The following PPFIA2 variants were observed in gnomAD, a reference collection of about 807,000 sequenced individuals.
The protein encoded by PPFIA2 is liprin-alpha-2.
A neutral mutation model predicts 175.5 loss-of-function variants in PPFIA2; 46 were observed. The ratio of observed to expected loss-of-function variants is 0.26; its 90% CI spans 0.21 to 0.34. The LOEUF is 0.34. Among genes scored for constraint, PPFIA2 ranks in the 10% least tolerant of loss-of-function variants. The pLI is 1.00. For missense variants in PPFIA2, 1,179 were observed against 1,506.1 expected, an observed-to-expected ratio of 0.78 and a Z score of 3.60; for synonymous variants, 568 against 511.4, an observed-to-expected ratio of 1.11 and a Z score of -1.49.
intron 8 of PPFIA2, among the ~76,000 whole-genome samples, chr12:81,387,310 T>G (rs2039193602): frequency 6.6e-6 from 1 of 152,170 alleles, no homozygotes; most frequent in African/African-American, 2.4e-5. Context: ...TAAACTTCAT[T>G]ACCCCCTTAA....
At chr12:81,287,875 G>A (rs2043864781) in intron 24 of PPFIA2, among the ~76,000 whole-genome samples, 1 of 151,752 alleles carries the variant, frequency 6.6e-6, no homozygotes, top group Admixed American at 6.6e-5. Flanking sequence ...GGTTGGAAAA[G>A]CATAAGAAAC....
In PPFIA2 at chr12:81,676,805, C is replaced by T. The variant is rs1370766997; in HGVS notation, c.289G>A (p.Gly97Arg). 6.4e-7 allele frequency: 1 copy of T among 1,566,044 alleles called. No individual in the cohort carries two copies. The highest frequency in any genetic ancestry group is 8.6e-7 in the Non-Finnish European group (1 of 1,157,020). Residue 97 changes from glycine (G) to arginine (R), a missense_variant, in exon 4 of 33, where the codon GGG becomes AGG. Coordinates refer to ENST00000549396, the MANE Select transcript of PPFIA2 (RefSeq NM_003625.5). ...ATCTAACTTACCGGTGGATCAGCCC[C>T]CTTAGAACCAGCCAGCCCTCCTGTT... Reference protein sequence around the residue: ...SLTGGLAGSKGADPPEFAALT... With the variant: ...SLTGGLAGSKRADPPEFAALT...
chr12:81,304,764 C>A (rs1189801459), intron 22 of PPFIA2, among the ~76,000 whole-genome samples: 1 of 151,800 alleles, frequency 6.6e-6, no homozygotes, highest in Non-Finnish European at 1.5e-5. Flanking sequence ...AAATTGGAGA[C>A]GTAGACAAGA....
chr12:81,475,451 T>G (rs749489923), intron 4 of PPFIA2, among the ~76,000 whole-genome samples: 1 of 151,618 alleles, frequency 6.6e-6, no homozygotes, highest in Admixed American at 6.5e-5. Context: ...TTTTATATAA[T>G]GTGTTTTATA....
intron 4 of PPFIA2, among the ~76,000 whole-genome samples, chr12:81,466,069 G>T (rs567486140): frequency 6.6e-6 from 1 of 152,234 alleles, no homozygotes; most frequent in African/African-American, 2.4e-5. Flanking sequence ...TCAGCCCTGG[G>T]CTAGACAGCT....
At chr12:81,442,928 C>T (rs2050503289) in intron 6 of PPFIA2, among the ~76,000 whole-genome samples, 2 of 110,250 alleles carry the variant, frequency 1.8e-5, no homozygotes, top group Admixed American at 1.1e-4. Flanking sequence ...TCTATATCCA[C>T]ATCCCTCCTC....
intron 18 of PPFIA2, among the ~76,000 whole-genome samples, chr12:81,345,482 C>A (rs1388676883): frequency 6.6e-6 from 1 of 151,956 alleles, no homozygotes; most frequent in African/African-American, 2.4e-5. Flanking sequence ...GCATCTTTCT[C>A]TCTCTCTCTG....
At chr12:81,378,198 C>T (rs1167607387) in intron 9 of PPFIA2, 1 of 151,986 alleles carries the variant, frequency 6.6e-6, no homozygotes, top group Non-Finnish European at 1.5e-5. Context: ...CTTAAAGCCT[C>T]CAAAACAGTG....
chr12:81,502,038 G>A (rs1246569702), intron 4 of PPFIA2, among the ~76,000 whole-genome samples: 1 of 152,094 alleles, frequency 6.6e-6, no homozygotes, highest in Non-Finnish European at 1.5e-5. Context: ...TTTTCCAGTG[G>A]AACACCATAT....
chr12:81,542,710 G>A (rs1422404611), intron 4 of PPFIA2, among the ~76,000 whole-genome samples: 2 of 151,982 alleles, frequency 1.3e-5, no homozygotes, highest in African/African-American at 4.8e-5. Flanking sequence ...ATATTTCTAT[G>A]TTCCTTTGAG....
chr12:81,584,459 A>G (rs905171005), intron 4 of PPFIA2, among the ~76,000 whole-genome samples: 4 of 151,772 alleles, frequency 2.6e-5, no homozygotes, highest in African/African-American at 9.7e-5. Context: ...AAAGAGCAGA[A>G]TAATAATGTG....
At chr12:81,690,131 A>C (rs141083896) in intron 3 of PPFIA2, among the ~76,000 whole-genome samples, 3 of 152,226 alleles carry the variant, frequency 2.0e-5, no homozygotes, top group East Asian at 3.9e-4. Flanking sequence ...ATAAATCTTC[A>C]TCCCTTTGCC....
intron 4 of PPFIA2, among the ~76,000 whole-genome samples, chr12:81,668,250 C>A (rs1014891165): frequency 3.3e-5 from 5 of 152,038 alleles, no homozygotes; most frequent in African/African-American, 1.2e-4. Context: ...GTTCTATTAT[C>A]CTTCTACTTC....
At chr12:81,333,030 T>C (rs2056442011) in intron 21 of PPFIA2, among the ~76,000 whole-genome samples, 1 of 152,182 alleles carries the variant, frequency 6.6e-6, no homozygotes, top group Non-Finnish European at 1.5e-5. Context: ...GATTCATAGA[T>C]TCAGTATTCC....
chr12:81,442,228 T>C (rs2050306731), intron 6 of PPFIA2, among the ~76,000 whole-genome samples: 1 of 152,066 alleles, frequency 6.6e-6, no homozygotes. Flanking sequence ...AAGTAATAAA[T>C]CTAAAACTGT....
At chr12:81,572,562 A>C (rs2072746580) in intron 4 of PPFIA2, among the ~76,000 whole-genome samples, 1 of 152,120 alleles carries the variant, frequency 6.6e-6, no homozygotes, top group South Asian at 2.1e-4. Context: ...ATGTTTAATA[A>C]ACTTTAGAAT....
intron 4 of PPFIA2, among the ~76,000 whole-genome samples, chr12:81,666,149 C>G (rs28372515): frequency 6.6e-6 from 1 of 151,830 alleles, no homozygotes; most frequent in Non-Finnish European, 1.5e-5. Context: ...AGGAACACTT[C>G]TACACTGTTG....
intron 4 of PPFIA2, among the ~76,000 whole-genome samples, chr12:81,661,616 CA>C (rs2068888193): frequency 6.6e-6 from 1 of 152,104 alleles, no homozygotes; most frequent in Non-Finnish European, 1.5e-5. Context: ...TTTAACACCC[CA>C]CTGTCAACAT....
At chr12:81,733,849 T>C (rs552659250) in intron 3 of PPFIA2, among the ~76,000 whole-genome samples, 15 of 151,796 alleles carry the variant, frequency 9.9e-5, no homozygotes, top group Admixed American at 4.6e-4. Context: ...ATCATCTTTT[T>C]TTGTTTCTAT....
Sources: gnomAD v4.1 joint callset for allele counts (sites outside exome capture counted in the v4.1 genomes callset) on GRCh38, gnomAD v4.1.1 for gene constraint, MANE v1.5 for transcripts, NCBI Gene and HGNC (gene_info 2026-07-23, HGNC 2026-07-21) for gene names.